Variants in SORCS2 observed in about 807,000 individuals in gnomAD.
SORCS2 encodes sortilin related VPS10 domain containing receptor 2, also known as VPS10 domain-containing receptor SorCS2.
SORCS2 carries 100 observed loss-of-function variants against 141.6 expected under a neutral mutation model. The ratio of observed to expected loss-of-function variants is 0.71; its 90% CI spans 0.60 to 0.83. The LOEUF (loss-of-function observed/expected upper bound fraction) is 0.83. SORCS2 is among the 40% of genes least tolerant of loss of function. The probability of loss-of-function intolerance (pLI) is 0.00; values close to 1 mark genes in which losing one functional copy is unlikely to be tolerated. For missense variants in SORCS2, 1,646 were observed against 1,560.2 expected, an observed-to-expected ratio of 1.05 and a Z score of -0.93; for synonymous variants, 789 against 676.9, an observed-to-expected ratio of 1.17 and a Z score of -2.57.
chr4:7,670,915 A>G (rs572696824), intron 8 of SORCS2, among the ~76,000 whole-genome samples: 49 of 152,220 alleles, frequency 3.2e-4, no homozygotes, highest in Admixed American at 1.4e-3. Context: ...TACCCAGACA[A>G]GCAGTCATTA....
chr4:7,676,799 TTCTGTCTCTCTCTCTC>T (rs1723158155), intron 9 of SORCS2, among the ~76,000 whole-genome samples: 1 of 32,256 alleles, frequency 3.1e-5, no homozygotes, highest in African/African-American at 1.3e-4. Context: ...AAGTCTGCCT[TTCTGTCTCTCTCTCTC>T]TCTCTCTCTC....
At chr4:7,486,939 T>A (rs929314057) in intron 2 of SORCS2, among the ~76,000 whole-genome samples, 3 of 152,236 alleles carry the variant, frequency 2.0e-5, no homozygotes, top group African/African-American at 7.2e-5. Context: ...ATTCAGAAAC[T>A]CTGATTGGGA....
At chr4:7,378,857 A>G (rs1001472746) in intron 1 of SORCS2, among the ~76,000 whole-genome samples, 1 of 152,216 alleles carries the variant, frequency 6.6e-6, no homozygotes, top group Non-Finnish European at 1.5e-5. Flanking sequence ...GTGACCCTGA[A>G]TGAGAGGAAA....
At chr4:7,245,188 C>A (rs1469909674) in intron 1 of SORCS2, among the ~76,000 whole-genome samples, 1 of 152,200 alleles carries the variant, frequency 6.6e-6, no homozygotes, top group Non-Finnish European at 1.5e-5. Flanking sequence ...CTTCTGGTCC[C>A]AGTCACCTCC....
At chr4:7,266,641 G>T (rs1655585849) in intron 1 of SORCS2, among the ~76,000 whole-genome samples, 2 of 152,158 alleles carry the variant, frequency 1.3e-5, no homozygotes, top group Admixed American at 1.3e-4. Context: ...CACAGTGTGA[G>T]GATGAAGCGG....
At chr4:7,505,841 G>A (rs1193883669) in intron 2 of SORCS2, among the ~76,000 whole-genome samples, 1 of 152,184 alleles carries the variant, frequency 6.6e-6, no homozygotes, top group Non-Finnish European at 1.5e-5. Context: ...TAATTGTCGC[G>A]GGGCCCTCAT....
intron 1 of SORCS2, among the ~76,000 whole-genome samples, chr4:7,254,056 C>A (rs1385396963): frequency 1.3e-5 from 2 of 152,178 alleles, no homozygotes; most frequent in Non-Finnish European, 2.9e-5. Flanking sequence ...GAAGAGGGAA[C>A]TCTTAGGCAC....
intron 1 of SORCS2, among the ~76,000 whole-genome samples, chr4:7,301,172 G>A (rs1014296663): frequency 7.2e-5 from 11 of 152,106 alleles, no homozygotes; most frequent in Admixed American, 2.6e-4. Flanking sequence ...GCACAGCCCC[G>A]ATCTTGGCAG....
Position 7,537,176 on chromosome 4 carries a change from G to GC in SORCS2, c.648+5548dup, listed in dbSNP as rs1712205140. ...CCGGGCGCAGTCTGGGGGCTGCTGA[G>GC]CTGTGTAACTCTGGGCAGATCCCAT... On this transcript the variant is annotated intron_variant, in intron 3 of 26. Coordinates refer to ENST00000507866, the MANE Select transcript of SORCS2 (RefSeq NM_020777.3). 2.0e-5 allele frequency among the ~76,000 whole-genome samples: 3 copies of GC among 152,350 alleles called. No individual in the cohort carries two copies. In the South Asian group the frequency reaches 6.2e-4, roughly 32 times the overall value.
At chr4:7,628,648 C>T (rs2108843121) in intron 3 of SORCS2, among the ~76,000 whole-genome samples, 1 of 152,236 alleles carries the variant, frequency 6.6e-6, no homozygotes, top group South Asian at 2.1e-4. Context: ...AACAAGGCAA[C>T]CCTGTTCCCT....
chr4:7,232,165 C>T (rs188968115), intron 1 of SORCS2, among the ~76,000 whole-genome samples: 201 of 152,170 alleles, frequency 1.3e-3, no homozygotes, highest in African/African-American at 4.1e-3. Context: ...ATGGAGGCTG[C>T]GGGCCCTGGG....
chr4:7,373,480 T>TAA, intron 1 of SORCS2, among the ~76,000 whole-genome samples: 1 of 12,326 alleles, frequency 8.1e-5, no homozygotes, highest in African/African-American at 2.2e-4. Flanking sequence ...ATATATATAT[T>TAA]TTTTTTTTTT....
chr4:7,530,812 C>T (rs939179559), intron 2 of SORCS2, among the ~76,000 whole-genome samples: 11 of 152,228 alleles, frequency 7.2e-5, no homozygotes, highest in Non-Finnish European at 2.9e-5. Context: ...AGTGTACTCT[C>T]AGATTCTCAC....
chr4:7,687,988 G>A (rs1473392263), intron 10 of SORCS2, among the ~76,000 whole-genome samples: 1 of 152,210 alleles, frequency 6.6e-6, no homozygotes, highest in Non-Finnish European at 1.5e-5. Flanking sequence ...AATACAACCA[G>A]TACATCTGTT....
intron 2 of SORCS2, among the ~76,000 whole-genome samples, chr4:7,451,104 ATGAG>A (rs1728411987): frequency 6.6e-6 from 1 of 152,122 alleles, no homozygotes; most frequent in African/African-American, 2.4e-5. Context: ...GAGTGAGTGA[ATGAG>A]TGAGTGAATG....
intron 4 of SORCS2, among the ~76,000 whole-genome samples, chr4:7,646,153 G>A (rs575973833): frequency 1.0e-4 from 16 of 152,386 alleles, no homozygotes; most frequent in Non-Finnish European, 1.6e-4. Flanking sequence ...TAGCCGAGGA[G>A]CAGGAGATAA....
At chr4:7,640,463 C>CGTGTGT (rs543187878) in intron 4 of SORCS2, among the ~76,000 whole-genome samples, 14 of 100,970 alleles carry the variant, frequency 1.4e-4, no homozygotes, top group East Asian at 1.4e-3. Flanking sequence ...TGTGTATGAG[C>CGTGTGT]GTGTGTGTGT....
intron 2 of SORCS2, among the ~76,000 whole-genome samples, chr4:7,437,217 T>A (rs1265947973): frequency 3.3e-5 from 5 of 152,084 alleles, no homozygotes; most frequent in African/African-American, 1.2e-4. Flanking sequence ...TAAACCAGGG[T>A]CCTGAGACCC....
intron 10 of SORCS2, among the ~76,000 whole-genome samples, chr4:7,687,975 T>A (rs1723979842): frequency 6.6e-6 from 1 of 152,222 alleles, no homozygotes; most frequent in Non-Finnish European, 1.5e-5. Flanking sequence ...TCGTACAACA[T>A]GTAATACAAC....
Sources: gnomAD v4.1 joint callset for allele counts (sites outside exome capture counted in the v4.1 genomes callset) on GRCh38, gnomAD v4.1.1 for gene constraint, MANE v1.5 for transcripts, NCBI Gene and HGNC (gene_info 2026-07-23, HGNC 2026-07-21) for gene names.